The following ZNF35 variants were observed in gnomAD, a reference collection of about 807,000 sequenced individuals.
ZNF35 encodes zinc finger protein 35.
A neutral mutation model predicts 45.9 loss-of-function variants in ZNF35; 31 were observed. The observed-to-expected ratio is 0.68, with a 90% CI of 0.51 to 0.91. ZNF35 has a LOEUF of 0.91. Ranked by LOEUF, ZNF35 falls within the 40% of genes least tolerant of loss-of-function variation. ZNF35 has a pLI of 0.00. For synonymous variants in ZNF35, 205 were observed against 220.2 expected, an observed-to-expected ratio of 0.93 and a Z score of 0.61; for missense variants, 515 against 625.4, an observed-to-expected ratio of 0.82 and a Z score of 1.88.
chr3:44,651,878 G>GT (rs1242551481), intron 2 of ZNF35, among the ~76,000 whole-genome samples: 3 of 151,264 alleles, frequency 2.0e-5, no homozygotes, highest in Non-Finnish European at 2.9e-5. Flanking sequence ...GGGTATCCAT[G>GT]TTTTTTTAAA....
intron 3 of ZNF35, among the ~76,000 whole-genome samples, chr3:44,653,252 A>G (rs925675128): frequency 2.0e-5 from 3 of 152,142 alleles, no homozygotes; most frequent in African/African-American, 7.2e-5. Flanking sequence ...GGGGTGGGGA[A>G]TGGATAAGGA....
In ZNF35 at chr3:44,659,793, A is replaced by T; in HGVS notation, c.1430A>T (p.Asn477Ile). The T allele has an allele frequency of 6.2e-7, 1 of 1,614,050 alleles. No homozygotes were observed. Among genetic ancestry groups the T allele is most frequent in the Non-Finnish European group, 8.5e-7 (1 of 1,179,972 alleles). The change falls in exon 4 of 4, where the codon AAT (asparagine) becomes ATT (isoleucine). Residue 477 changes from asparagine (N) to isoleucine (I), a missense_variant. By Grantham distance (149) the Asn-to-Ile change is moderately radical. Around this residue, in one of 3 missense-constraint regions of ZNF35, gnomAD observed 232 missense variants for 304.6 expected, o/e 0.76. Coordinates refer to ENST00000396056, the MANE Select transcript of ZNF35 (RefSeq NM_003420.4). This position sits in a 1 kb window ranked among gnomAD's most constrained non-coding sequence, Gnocchi z 4.3. The part of the protein sequence containing the change: ...IHNGEKPYTC[N>I]ECGKAFRQRS... The stretch of plus-strand genomic sequence containing the variant: ...AATGGAGAAAAACCTTACACATGTA[A>T]TGAGTGTGGGAAGGCCTTCAGACAG...
At chr3:44,648,398 G>A (rs1480230307), upstream of ZNF35, 2 of 152,192 alleles carry the variant, frequency 1.3e-5, no homozygotes, top group African/African-American at 4.8e-5. Flanking sequence ...GGAAAATACG[G>A]GTATTCAATG....
chr3:44,647,447 G>A (rs1317714915), upstream of ZNF35: 1 of 152,112 alleles, frequency 6.6e-6, no homozygotes, highest in Admixed American at 6.5e-5. Flanking sequence ...TTGCACTTCT[G>A]AGCATTTATC....
chr3:44,652,524 T>C, intron 2 of ZNF35, 33 bp from the exon 3 acceptor site: 1 of 1,506,246 alleles, frequency 6.6e-7, no homozygotes, highest in Middle Eastern at 1.8e-4. Flanking sequence ...CTACCACCAG[T>C]TCCCTCTTAA....
chr3:44,650,691 G>C (rs1406419241), intron 1 of ZNF35, among the ~76,000 whole-genome samples: 1 of 152,194 alleles, frequency 6.6e-6, no homozygotes, highest in Non-Finnish European at 1.5e-5. Flanking sequence ...ATAAAAGTAA[G>C]TTAACTTTTA....
At chr3:44,651,346 A>G in intron 2 of ZNF35, 87 bp downstream of exon 2, 1 of 1,277,704 alleles carries the variant, frequency 7.8e-7, no homozygotes, top group East Asian at 2.4e-5. Context: ...CTGCTTCCAC[A>G]CCTGGAGTCT....
intron 3 of ZNF35, among the ~76,000 whole-genome samples, chr3:44,656,161 A>G (rs764092207): frequency 2.6e-5 from 4 of 152,196 alleles, no homozygotes; most frequent in Non-Finnish European, 5.9e-5. Flanking sequence ...CAGAAGAGGC[A>G]TGAAACTGTA....
intron 3 of ZNF35, among the ~76,000 whole-genome samples, chr3:44,657,277 G>A (rs1703326685): frequency 6.6e-6 from 1 of 152,162 alleles, no homozygotes; most frequent in South Asian, 2.1e-4. Context: ...CTGCGCAGTA[G>A]CAGCAGTTAT....
upstream of ZNF35, chr3:44,646,708 T>C: frequency 1.8e-6 from 1 of 553,440 alleles, no homozygotes; most frequent in Non-Finnish European, 3.2e-6. Context: ...AAAATTTCGA[T>C]ATGAAAGGTA....
chr3:44,646,738 C>CT (rs1478979251), upstream of ZNF35: 1 of 489,426 alleles, frequency 2.0e-6, no homozygotes, highest in Non-Finnish European at 3.6e-6. Flanking sequence ...GATGAGGAGG[C>CT]TTGTTTTTAA....
At chr3:44,652,476 T>G in intron 2 of ZNF35, 81 bp from the exon 3 acceptor site, 1 of 1,348,306 alleles carries the variant, frequency 7.4e-7, no homozygotes. Flanking sequence ...GAATAGATAA[T>G]TATGTTCTCA....
In ZNF35 at chr3:44,660,484, T is replaced by G. The variant is rs1014866422; in HGVS notation, c.*537T>G. 4 of 152,798 alleles carry G rather than the reference T, an allele frequency of 2.6e-5. No homozygotes were observed. Among genetic ancestry groups the G allele is most frequent in the African/African-American group, 9.7e-5 (4 of 41,440 alleles). The allele number at this position is 152,798 out of a possible 1,614,324, so 9.5% of individuals were successfully genotyped here. On this transcript the variant is annotated 3_prime_UTR_variant, in exon 4 of 4. Coordinates refer to ENST00000396056, the MANE Select transcript of ZNF35 (RefSeq NM_003420.4). ...TTTAAAAGCCAGTCAAAACAAAAACTTTACTGAAAATGGACAGAAATAGGA... is the reference window on the plus strand; with the variant it reads ...TTTAAAAGCCAGTCAAAACAAAAACGTTACTGAAAATGGACAGAAATAGGA...
Position 44,652,834 on chromosome 3 carries a change from A to G in ZNF35, c.337+133A>G, listed in dbSNP as rs577074039. ...TATTGAAAGTGTCCAGGAAAGCTGG[A>G]AAGAGGAATGCTGAAATGCCTGTGC... On this transcript the variant is annotated intron_variant, in intron 3 of 3. Transcript: ENST00000396056. 2.6e-5 allele frequency: 25 copies of G among 950,648 alleles called. No homozygotes were observed. In the African/African-American group the frequency reaches 3.9e-4, roughly 15 times the overall value. 58.9% of individuals were successfully genotyped at this position (950,648 alleles called of 1,614,324 possible).
upstream of ZNF35, chr3:44,648,728 C>G (rs1361105247): frequency 6.6e-6 from 1 of 152,252 alleles, no homozygotes; most frequent in Non-Finnish European, 1.5e-5. Context: ...TCCCGAGGCA[C>G]TTCCTGTCCG....
In ZNF35 at chr3:44,659,110, C is replaced by T; in HGVS notation, c.747C>T (p.Pro249=). 6.2e-7 allele frequency: 1 copy of T among 1,613,964 alleles called. No homozygotes were observed. Among genetic ancestry groups the T allele is most frequent in the East Asian group, 2.2e-5 (1 of 44,874 alleles). Residue 249 remains proline (P), a synonymous_variant, in exon 4 of 4, where the codon CCC becomes CCT. Transcript: ENST00000396056. This position sits in a 1 kb window ranked among gnomAD's most constrained non-coding sequence, Gnocchi z 4.3. ...AGCGAATCCACACTGGAGAGAAACC[C>T]TTTGAATGTCATGAGTGTGGGAAGG... ...VHQRIHTGEK[P]FECHECGKAF...
At chr3:44,652,477 T>C in intron 2 of ZNF35, 80 bp from the exon 3 acceptor site, 3 of 1,346,810 alleles carry the variant, frequency 2.2e-6, no homozygotes, top group Non-Finnish European at 2.9e-6. Context: ...AATAGATAAT[T>C]ATGTTCTCAT....
chr3:44,652,843 T>C (rs1703228931), intron 3 of ZNF35, 142 bp downstream of exon 3: 15 of 857,958 alleles, frequency 1.7e-5, no homozygotes, highest in Admixed American at 7.4e-5. Context: ...GAAAGAGGAA[T>C]GCTGAAATGC....
chr3:44,658,761 A>C lies in ZNF35; in HGVS notation c.398A>C (p.Glu133Ala). The change falls in exon 4 of 4, where the codon GAA becomes GCA. Residue 133 changes from glutamate (E) to alanine (A), a missense_variant. Glu to Ala is a moderately radical substitution (Grantham distance 107). Coordinates refer to ENST00000396056, the MANE Select transcript of ZNF35 (RefSeq NM_003420.4). ...VPKTEICEEA[E>A]KPLIISERIQ... ...AAAACTGAGATATGTGAGGAAGCTGAAAAACCCCTCATCATATCAGAAAGA... is the reference window on the plus strand; with the variant it reads ...AAAACTGAGATATGTGAGGAAGCTGCAAAACCCCTCATCATATCAGAAAGA... 6.3e-7 allele frequency: 1 copy of C among 1,594,566 alleles called. No homozygotes were observed. The highest frequency in any genetic ancestry group is 8.5e-7 in the Non-Finnish European group (1 of 1,175,554).
Sources: allele counts gnomAD v4.1 joint callset (sites outside exome capture counted in the v4.1 genomes callset), GRCh38; gene constraint gnomAD v4.1.1; regional missense constraint gnomAD v4.1.1; non-coding constraint Gnocchi (gnomAD v3.1); transcripts MANE v1.5; gene names NCBI Gene and HGNC (gene_info 2026-07-23, HGNC 2026-07-21).